LRRC4C: variants seen among roughly 807,000 people sequenced by gnomAD.
LRRC4C encodes leucine-rich repeat-containing protein 4C.
A neutral mutation model predicts 33.6 loss-of-function variants in LRRC4C; 5 were observed. The observed-to-expected ratio is 0.15, with a 90% CI of 0.08 to 0.31. The LOEUF (loss-of-function observed/expected upper bound fraction) is 0.31, where lower values mean the gene tolerates loss of function less well. Ranked by LOEUF, LRRC4C falls within the 10% of genes least tolerant of loss-of-function variation. LRRC4C has a pLI of 1.00. For missense variants in LRRC4C, 560 were observed against 796.7 expected, an observed-to-expected ratio of 0.70 and a Z score of 3.58; for synonymous variants, 329 against 302.0, an observed-to-expected ratio of 1.09 and a Z score of -0.93.
intron 1 of LRRC4C, among the ~76,000 whole-genome samples, chr11:41,355,069 G>A (rs897967391): frequency 6.6e-6 from 1 of 152,042 alleles, no homozygotes; most frequent in African/African-American, 2.4e-5. Flanking sequence ...CTACAGAATA[G>A]GAGAAAATAT....
At chr11:40,259,224 T>G (rs1036291100) in intron 4 of LRRC4C, among the ~76,000 whole-genome samples, 1 of 152,154 alleles carries the variant, frequency 6.6e-6, no homozygotes, top group Non-Finnish European at 1.5e-5. Flanking sequence ...GAGAAGTGTC[T>G]GTTCATGTCC....
At chr11:40,952,787 GTTTA>G (rs1231858081) in intron 1 of LRRC4C, among the ~76,000 whole-genome samples, 2 of 146,670 alleles carry the variant, frequency 1.4e-5, no homozygotes, top group African/African-American at 5.1e-5. Context: ...TGAATCACTG[GTTTA>G]TTTAAGGCTT....
intron 1 of LRRC4C, among the ~76,000 whole-genome samples, chr11:41,097,896 C>G (rs911083822): frequency 6.6e-6 from 1 of 152,032 alleles, no homozygotes; most frequent in Admixed American, 6.6e-5. Flanking sequence ...TTTAACACAC[C>G]CCCATGCCCT....
chr11:40,769,015 T>C (rs1328580333), intron 2 of LRRC4C, among the ~76,000 whole-genome samples: 1 of 151,960 alleles, frequency 6.6e-6, no homozygotes, highest in Non-Finnish European at 1.5e-5. Flanking sequence ...ATTAAGGGCA[T>C]CCAAACTGGA....
intron 1 of LRRC4C, among the ~76,000 whole-genome samples, chr11:41,321,793 T>C (rs1565579741): frequency 6.6e-6 from 1 of 152,118 alleles, no homozygotes; most frequent in Non-Finnish European, 1.5e-5. Context: ...TAGATGACCT[T>C]GGAAAAATTA....
chr11:41,154,038 G>A (rs776092003), intron 1 of LRRC4C, among the ~76,000 whole-genome samples: 2 of 152,144 alleles, frequency 1.3e-5, no homozygotes, highest in Non-Finnish European at 2.9e-5. Context: ...GTCACCTAGA[G>A]CTTGAAACGG....
intron 3 of LRRC4C, among the ~76,000 whole-genome samples, chr11:40,449,078 C>T (rs755502189): frequency 2.9e-4 from 44 of 152,158 alleles, no homozygotes; most frequent in Admixed American, 7.2e-4. Context: ...TATCCTTTGC[C>T]TACTTTTTGA....
intron 3 of LRRC4C, among the ~76,000 whole-genome samples, chr11:40,644,970 T>C (rs1165056148): frequency 1.3e-5 from 2 of 151,924 alleles, no homozygotes; most frequent in East Asian, 3.9e-4. Context: ...CAACTACATG[T>C]GAATGTACAA....
intron 1 of LRRC4C, among the ~76,000 whole-genome samples, chr11:41,244,856 G>C (rs143073265): frequency 2.3e-3 from 353 of 152,248 alleles, no homozygotes; most frequent in African/African-American, 7.8e-3. Context: ...GACTCAAGTA[G>C]ACAAATACTC....
intron 2 of LRRC4C, among the ~76,000 whole-genome samples, chr11:40,715,446 T>C (rs1403465014): frequency 6.6e-6 from 1 of 151,864 alleles, no homozygotes; most frequent in African/African-American, 2.4e-5. Flanking sequence ...TGGTAGGGAG[T>C]GAAAAATAGT....
chr11:40,999,832 G>A (rs16935243), intron 1 of LRRC4C, among the ~76,000 whole-genome samples: 17,949 of 152,106 alleles, frequency 0.12, 1,108 homozygotes, highest in Non-Finnish European at 0.14. Flanking sequence ...CTAGCAGAGC[G>A]TGAAAGGCAT....
At position 40,707,154 on chromosome 11, in the gene LRRC4C, A is replaced by C. The variant is rs573057741; in HGVS notation, c.-406-58876T>G. 2.0e-5 allele frequency among the ~76,000 whole-genome samples: 3 copies of C among 152,342 alleles called. No individual in the cohort carries two copies. In the East Asian group the frequency reaches 5.8e-4, roughly 29 times the overall value. On this transcript the variant is annotated intron_variant, in intron 2 of 6. Coordinates refer to ENST00000528697, the MANE Select transcript of LRRC4C (RefSeq NM_001258419.2). Reference sequence around the variant, plus strand: ...CTAAATATACAATCATGTCATCTGCAAACAGGGACAATTTGACTTCCTCTT... The same window carrying C: ...CTAAATATACAATCATGTCATCTGCCAACAGGGACAATTTGACTTCCTCTT...
chr11:40,374,285 C>A (rs1281731609), intron 3 of LRRC4C, among the ~76,000 whole-genome samples: 1 of 152,122 alleles, frequency 6.6e-6, no homozygotes, highest in African/African-American at 2.4e-5. Context: ...CTTCCCTGAT[C>A]CTCCTGGGTA....
At chr11:41,021,570 A>C (rs1474938246) in intron 1 of LRRC4C, among the ~76,000 whole-genome samples, 2 of 152,118 alleles carry the variant, frequency 1.3e-5, no homozygotes, top group African/African-American at 2.4e-5. Context: ...TAACGTTCAA[A>C]TCTATTATAT....
At chr11:41,210,997 T>C (rs1474889352) in intron 1 of LRRC4C, among the ~76,000 whole-genome samples, 2 of 152,106 alleles carry the variant, frequency 1.3e-5, no homozygotes, top group African/African-American at 2.4e-5. Context: ...AAGAATCTAA[T>C]GGCACAGCTG....
At chr11:40,931,383 A>C (rs1456683267) in intron 2 of LRRC4C, among the ~76,000 whole-genome samples, 3 of 152,114 alleles carry the variant, frequency 2.0e-5, no homozygotes, top group Non-Finnish European at 4.4e-5. Flanking sequence ...TATAGTTACA[A>C]CCAATTTTTT....
chr11:40,939,983 G>T (rs1456766180), intron 1 of LRRC4C, among the ~76,000 whole-genome samples: 1 of 152,122 alleles, frequency 6.6e-6, no homozygotes, highest in African/African-American at 2.4e-5. Context: ...ATGAACAAGT[G>T]CTGGATTACC....
chr11:40,487,806 C>T (rs1193282583), intron 3 of LRRC4C, among the ~76,000 whole-genome samples: 1 of 151,966 alleles, frequency 6.6e-6, no homozygotes, highest in Non-Finnish European at 1.5e-5. Flanking sequence ...GCAAGAATTG[C>T]TTTTTATTAT....
chr11:41,378,920 GTT>G (rs113076444), intron 1 of LRRC4C, among the ~76,000 whole-genome samples: 1 of 143,306 alleles, frequency 7.0e-6, no homozygotes, highest in Non-Finnish European at 1.5e-5. Flanking sequence ...AGCGGGAAGA[GTT>G]TTTTTTTTTT....
Sources: gnomAD v4.1 joint callset for allele counts (sites outside exome capture counted in the v4.1 genomes callset) on GRCh38, gnomAD v4.1.1 for gene constraint, MANE v1.5 for transcripts, NCBI Gene and HGNC (gene_info 2026-07-23, HGNC 2026-07-21) for gene names.